The following HPSE2 variants were observed in gnomAD, a reference collection of about 807,000 sequenced individuals.
HPSE2 encodes the protein inactive heparanase-2.
A neutral mutation model predicts 60.5 loss-of-function variants in HPSE2; 38 were observed. The observed-to-expected ratio is 0.63, with a 90% CI of 0.48 to 0.82. HPSE2 has a LOEUF of 0.82. Among genes scored for constraint, HPSE2 ranks in the 40% least tolerant of loss-of-function variants. HPSE2 has a pLI of 0.00. For synonymous variants in HPSE2, 295 were observed against 293.2 expected, an observed-to-expected ratio of 1.01 and a Z score of -0.06; for missense variants, 713 against 740.4, an observed-to-expected ratio of 0.96 and a Z score of 0.43.
chr10:98,642,026 C>A, intron 6 of HPSE2, 86 bp from the exon 7 acceptor site: 1 of 1,171,386 alleles, frequency 8.5e-7, no homozygotes, highest in Non-Finnish European at 1.3e-6. Context: ...CTCTGTTGCC[C>A]GAGGAAACAA....
At chr10:98,771,074 G>A (rs1950230801) in intron 3 of HPSE2, among the ~76,000 whole-genome samples, 1 of 152,054 alleles carries the variant, frequency 6.6e-6, no homozygotes, top group Non-Finnish European at 1.5e-5. Flanking sequence ...TTATATTGAG[G>A]CCCTGGGAAA....
intron 3 of HPSE2, among the ~76,000 whole-genome samples, chr10:98,755,525 G>A (rs567608592): frequency 2.0e-5 from 3 of 152,294 alleles, no homozygotes; most frequent in African/African-American, 7.2e-5. Context: ...GGACCTAACA[G>A]ATATCTGCAG....
intron 6 of HPSE2, 79 bp downstream of exon 6, chr10:98,693,821 T>A: frequency 8.7e-7 from 1 of 1,143,036 alleles, no homozygotes; most frequent in East Asian, 2.3e-5. Context: ...AAATGTCAGT[T>A]ATGAACTTAG....
chr10:98,672,560 T>C (rs78902012), intron 6 of HPSE2, among the ~76,000 whole-genome samples: 3,869 of 152,256 alleles, frequency 0.025, 192 homozygotes, highest in African/African-American at 0.088. Flanking sequence ...TTCAGTGCCA[T>C]AAATTTGGGA....
At chr10:98,543,353 G>A (rs534114737) in intron 9 of HPSE2, among the ~76,000 whole-genome samples, 8 of 152,086 alleles carry the variant, frequency 5.3e-5, no homozygotes, top group South Asian at 2.1e-4. Flanking sequence ...AGGAACAACC[G>A]GTACCAGCCG....
At chr10:98,890,157 T>C (rs1953293068) in intron 3 of HPSE2, among the ~76,000 whole-genome samples, 1 of 152,204 alleles carries the variant, frequency 6.6e-6, no homozygotes. Context: ...ACCTGGCCCT[T>C]GGTAAGTACT....
At chr10:99,284,626 A>C in the HPSE2 span, among the ~76,000 whole-genome samples, 15 of 152,222 alleles carry the variant, frequency 9.9e-5, no homozygotes, top group Admixed American at 3.3e-4. Context: ...ATATGGTCCC[A>C]AAAGCACAAG....
chr10:98,912,302 C>A (rs1954000760), intron 3 of HPSE2, among the ~76,000 whole-genome samples: 1 of 152,152 alleles, frequency 6.6e-6, no homozygotes, highest in South Asian at 2.1e-4. Flanking sequence ...ACAGAATCTT[C>A]CAGCAATGTC....
rs1378744894 is a variant in HPSE2 at position 99,156,722 on chromosome 10, T to G, written c.449-12323A>C. Among the ~76,000 whole-genome samples, 349 of 130,462 alleles carry G rather than the reference T, an allele frequency of 2.7e-3. 1 individual carries two copies. The highest frequency in any genetic ancestry group is 8.6e-3 in the African/African-American group (338 of 39,424). The allele number at this position is 130,462 out of a possible 152,430, so 85.6% of individuals were successfully genotyped here. Reference sequence around the variant, plus strand: ...GGGATGCCCTCTCTCACCACTCCTATTCAACATAGTGTTGAAAGTTCTGGC... The same window carrying G: ...GGGATGCCCTCTCTCACCACTCCTAGTCAACATAGTGTTGAAAGTTCTGGC... On this transcript the variant is annotated intron_variant, in intron 2 of 11. Coordinates refer to ENST00000370552, the MANE Select transcript of HPSE2 (RefSeq NM_021828.5).
intron 9 of HPSE2, among the ~76,000 whole-genome samples, chr10:98,567,165 C>T (rs888826703): frequency 2.0e-5 from 3 of 152,130 alleles, no homozygotes; most frequent in African/African-American, 4.8e-5. Flanking sequence ...ACACAGGTAG[C>T]CCAAGCAACA....
rs149274971 is a variant in HPSE2 at position 98,930,087 on chromosome 10, C to G, written c.611-186031G>C. ...TTTGCTGCACCTGTCGACCCATCAT[C>G]TATGTATTAAGCCCAGCATGCATCA... On this transcript the variant is annotated intron_variant, in intron 3 of 11. Coordinates refer to ENST00000370552, the MANE Select transcript of HPSE2 (RefSeq NM_021828.5). 6.7e-3 allele frequency among the ~76,000 whole-genome samples: 968 copies of G among 143,596 alleles called. 210 individuals carry two copies. Among genetic ancestry groups the G allele is most frequent in the African/African-American group, 0.026 (929 of 35,268 alleles). The allele number at this position is 143,596 out of a possible 152,430, so 94.2% of individuals were successfully genotyped here. A position where few individuals can be genotyped will look rare whatever the true frequency, so the allele number is the denominator to read the frequency against.
chr10:99,292,149 G>A, the HPSE2 span, among the ~76,000 whole-genome samples: 1 of 152,160 alleles, frequency 6.6e-6, no homozygotes, highest in Non-Finnish European at 1.5e-5. Flanking sequence ...AGAAGAGTAT[G>A]AAGGGAGGGG....
At chr10:98,579,241 G>T (rs1162465060) in intron 9 of HPSE2, among the ~76,000 whole-genome samples, 2 of 152,170 alleles carry the variant, frequency 1.3e-5, no homozygotes, top group Non-Finnish European at 2.9e-5. Flanking sequence ...AACACTACTG[G>T]ACAGCATTCA....
chr10:99,200,133 A>C (rs1337143207), intron 2 of HPSE2, among the ~76,000 whole-genome samples: 2 of 152,144 alleles, frequency 1.3e-5, no homozygotes, highest in Non-Finnish European at 2.9e-5. Context: ...TTGTATCTAC[A>C]ACTTTACTGA....
At chr10:98,882,878 C>T (rs2134888926) in intron 3 of HPSE2, among the ~76,000 whole-genome samples, 1 of 152,222 alleles carries the variant, frequency 6.6e-6, no homozygotes, top group South Asian at 2.1e-4. Flanking sequence ...GTTTGGGGAA[C>T]TGAGATACAG....
At chr10:99,291,737 T>C in the HPSE2 span, among the ~76,000 whole-genome samples, 1 of 152,212 alleles carries the variant, frequency 6.6e-6, no homozygotes, top group Non-Finnish European at 1.5e-5. Flanking sequence ...TAGTAAGTGA[T>C]AGGGCTAGGC....
At chr10:98,460,043 TAGTC>T (rs1467270835) in intron 11 of HPSE2, among the ~76,000 whole-genome samples, 1 of 152,024 alleles carries the variant, frequency 6.6e-6, no homozygotes, top group East Asian at 1.9e-4. Flanking sequence ...TGAACCCAGG[TAGTC>T]TACCTCCATA....
At chr10:98,466,809 A>C (rs919273436) in intron 11 of HPSE2, among the ~76,000 whole-genome samples, 9 of 152,156 alleles carry the variant, frequency 5.9e-5, no homozygotes, top group Non-Finnish European at 1.3e-4. Context: ...TTTTATGCCA[A>C]GCCCAGAGTG....
chr10:98,629,559 T>C (rs886370676), intron 7 of HPSE2, among the ~76,000 whole-genome samples: 3 of 152,244 alleles, frequency 2.0e-5, no homozygotes, highest in African/African-American at 7.2e-5. Context: ...ATATTGACTC[T>C]GTCCTCTTCT....
Sources: allele counts gnomAD v4.1 joint callset (sites outside exome capture counted in the v4.1 genomes callset), GRCh38; gene constraint gnomAD v4.1.1; transcripts MANE v1.5; gene names NCBI Gene and HGNC (gene_info 2026-07-23, HGNC 2026-07-21).